The following STARD8 variants were observed in gnomAD, a reference collection of about 807,000 sequenced individuals.
STARD8 encodes stAR-related lipid transfer protein 8.
A neutral mutation model predicts 69.4 loss-of-function variants in STARD8; 25 were observed. That is an observed-to-expected ratio of 0.36 (90% CI 0.26 to 0.50). STARD8 has a LOEUF of 0.50. STARD8 is among the 20% of genes least tolerant of loss of function. The probability of loss-of-function intolerance (pLI) is 0.96; values close to 1 mark genes in which losing one functional copy is unlikely to be tolerated. For missense variants in STARD8, 921 were observed against 932.5 expected (o/e 0.99, Z 0.16); for synonymous variants, 389 against 374.6 (o/e 1.04, Z -0.45).
intron 1 of STARD8, among the ~76,000 whole-genome samples, chrX:68,662,122 C>T (rs1031881830): frequency 5.5e-4 from 60 of 110,042 alleles, no homozygotes; most frequent in African/African-American, 1.9e-3. Context: ...ATTCTCCTGC[C>T]TCAGCCTCCT....
intron 2 of STARD8, among the ~76,000 whole-genome samples, chrX:68,668,062 T>TTTCTTTC (rs2079695890): frequency 1.9e-5 from 1 of 52,109 alleles, no homozygotes; most frequent in African/African-American, 8.0e-5. Context: ...CTTTCTTTTC[T>TTTCTTTC]TTCTTTCTTT....
intron 1 of STARD8, among the ~76,000 whole-genome samples, chrX:68,654,111 T>C (rs1040392881): frequency 9.0e-6 from 1 of 111,091 alleles, no homozygotes; most frequent in Non-Finnish European, 1.9e-5. Flanking sequence ...CCCTTGGAGG[T>C]CATCTATTCC....
intron 1 of STARD8, among the ~76,000 whole-genome samples, chrX:68,651,896 C>A (rs1378687866): frequency 3.8e-5 from 4 of 104,980 alleles, no homozygotes; most frequent in Non-Finnish European, 7.8e-5. Flanking sequence ...CGCTCTGTTG[C>A]CCAGGCTGGA....
In STARD8 at chrX:68,725,595, T is replaced by C. The variant is rs1443766336; in HGVS notation, c.*1173T>C. ...ATATATATATGTGTGTGTGTGTGTG[T>C]GTGTATATGTGTTTATAGAGATACA... On this transcript the variant is annotated 3_prime_UTR_variant, in exon 15 of 15. Transcript: ENST00000374599. The C allele has an allele frequency of 1.9e-5, 2 of 106,665 alleles. No homozygotes were observed. Among genetic ancestry groups the C allele is most frequent in the African/African-American group, 6.9e-5 (2 of 29,041 alleles). The allele number at this position is 106,665 out of a possible 1,213,427, so 8.8% of individuals were successfully genotyped here.
intron 1 of STARD8, among the ~76,000 whole-genome samples, chrX:68,653,276 A>ACC (rs1423945186): frequency 1.8e-5 from 1 of 54,713 alleles, no homozygotes; most frequent in Non-Finnish European, 3.3e-5. Flanking sequence ...CACACACCAC[A>ACC]CCACACACAC....
chrX:68,676,561 A>G (rs1041615157), intron 2 of STARD8, among the ~76,000 whole-genome samples: 68 of 112,123 alleles, frequency 6.1e-4, no homozygotes, highest in Non-Finnish European at 2.6e-4. Context: ...CAACCTGTTT[A>G]GCCCTCTGCC....
chrX:68,719,219 C>A lies in STARD8; in HGVS notation c.1716-6C>A, dbSNP rs773434965. On this transcript the variant is annotated splice_region_variant and splice_polypyrimidine_tract_variant and intron_variant, in intron 6 of 14. Coordinates refer to ENST00000374599, the MANE Select transcript of STARD8 (RefSeq NM_001142503.3). ...CTTCTCCACCCCTCTCACCGCCCCCCACCAGGAAGCTCCGTTGGCATAGCT... is the reference window on the plus strand; with the variant it reads ...CTTCTCCACCCCTCTCACCGCCCCCAACCAGGAAGCTCCGTTGGCATAGCT... 1.7e-6 allele frequency: 2 copies of A among 1,175,689 alleles called. No homozygotes were observed. Among genetic ancestry groups the A allele is most frequent in the Non-Finnish European group, 2.3e-6 (2 of 876,237 alleles).
chrX:68,704,558 C>A (rs2079991122), intron 2 of STARD8, among the ~76,000 whole-genome samples: 1 of 111,321 alleles, frequency 9.0e-6, no homozygotes, highest in African/African-American at 3.3e-5. Context: ...CAGGAAAAAA[C>A]CCAACCATTT....
chrX:68,668,300 C>CT (rs768845883), intron 2 of STARD8, among the ~76,000 whole-genome samples: 2 of 72,095 alleles, frequency 2.8e-5, no homozygotes, highest in African/African-American at 1.2e-4. Context: ...TTCTTTCTTT[C>CT]TTCTTTTTTT....
intron 1 of STARD8, among the ~76,000 whole-genome samples, chrX:68,651,887 G>A (rs771086661): frequency 2.3e-3 from 237 of 101,573 alleles, no homozygotes; most frequent in African/African-American, 7.9e-3. Context: ...ACCGAGTCTC[G>A]CTCTGTTGCC....
chrX:68,654,115 C>T (rs181650153), intron 1 of STARD8, among the ~76,000 whole-genome samples: 2 of 111,599 alleles, frequency 1.8e-5, no homozygotes, highest in East Asian at 5.7e-4. Context: ...TGGAGGTCAT[C>T]TATTCCTCTT....
At chrX:68,697,530 G>C (rs2079930092) in intron 2 of STARD8, among the ~76,000 whole-genome samples, 2 of 112,372 alleles carry the variant, frequency 1.8e-5, no homozygotes, top group Non-Finnish European at 1.9e-5. Context: ...GGGTACGCAG[G>C]TCTGGGAGAA....
At chrX:68,709,594 T>A (rs1283410392) in intron 2 of STARD8, among the ~76,000 whole-genome samples, 1 of 111,027 alleles carries the variant, frequency 9.0e-6, no homozygotes, top group African/African-American at 3.3e-5. Context: ...GACAGGAGGA[T>A]CACTGGAGGC....
rs945859063 is a variant in STARD8 at position 68,723,851 on chromosome X, G to A, written c.3017+8G>A. 1.7e-6 allele frequency: 2 copies of A among 1,200,923 alleles called. No individual in the cohort carries two copies. The highest frequency in any genetic ancestry group is 1.8e-5 in the South Asian group (1 of 55,200). ...CGACTTTGTGGTGCTTCGGTGAGGG[G>A]CTGCAGCTGCTACCCTTCTGTGCTT... On this transcript the variant is annotated splice_region_variant and intron_variant, in intron 13 of 14. Coordinates refer to ENST00000374599, the MANE Select transcript of STARD8 (RefSeq NM_001142503.3).
intron 1 of STARD8, among the ~76,000 whole-genome samples, chrX:68,661,966 C>CTTTCTTTCTTTCTT (rs1215178287): frequency 6.3e-4 from 45 of 71,925 alleles, no homozygotes; most frequent in African/African-American, 3.6e-3. Context: ...CTCTCTCTCT[C>CTTTCTTTCTTTCTT]TCTCTCTTTC....
At chrX:68,721,470 C>A in intron 9 of STARD8, 66 bp from the exon 10 acceptor site, 2 of 1,138,342 alleles carry the variant, frequency 1.8e-6, no homozygotes, top group Middle Eastern at 2.7e-4. Flanking sequence ...CCCTTGGAAA[C>A]AGGAGGCTGG....
At chrX:68,675,144 G>T (rs78621979) in intron 2 of STARD8, among the ~76,000 whole-genome samples, 1 of 110,039 alleles carries the variant, frequency 9.1e-6, no homozygotes, top group African/African-American at 3.3e-5. Context: ...TTTTAGTTGA[G>T]ACGGGGTTTC....
intron 2 of STARD8, among the ~76,000 whole-genome samples, chrX:68,688,877 G>A: frequency 9.4e-6 from 1 of 105,883 alleles, no homozygotes; most frequent in Non-Finnish European, 2.0e-5. Context: ...TGTGCATGCT[G>A]GACTTGCAGA....
intron 1 of STARD8, among the ~76,000 whole-genome samples, chrX:68,652,415 G>A (rs1383146027): frequency 9.0e-6 from 1 of 111,507 alleles, no homozygotes; most frequent in African/African-American, 3.3e-5. Context: ...CCAGAAGCCA[G>A]GGATGGTGGG....
Sources: gnomAD v4.1 joint callset for allele counts (sites outside exome capture counted in the v4.1 genomes callset) on GRCh38, gnomAD v4.1.1 for gene constraint, MANE v1.5 for transcripts, NCBI Gene and HGNC (gene_info 2026-07-23, HGNC 2026-07-21) for gene names.